MOV10L1: variants seen among roughly 807,000 people sequenced by gnomAD.
MOV10L1 encodes RNA helicase Mov10l1.
In MOV10L1, 110 loss-of-function variants were observed where a neutral mutation model predicts 143.8. The observed-to-expected ratio is 0.76, with a 90% CI of 0.66 to 0.90. The LOEUF (loss-of-function observed/expected upper bound fraction) is 0.90, where lower values mean the gene tolerates loss of function less well. MOV10L1 is among the 40% of genes least tolerant of loss of function. The pLI, the probability that MOV10L1 is intolerant of heterozygous loss-of-function variation, is 0.00. For missense variants in MOV10L1, 1,406 were observed against 1,526.8 expected, an observed-to-expected ratio of 0.92 and a Z score of 1.32; for synonymous variants, 593 against 581.1, an observed-to-expected ratio of 1.02 and a Z score of -0.29.
chr22:50,111,711 G>A (rs562894659), intron 5 of MOV10L1, among the ~76,000 whole-genome samples: 47 of 151,976 alleles, frequency 3.1e-4, no homozygotes, highest in African/African-American at 1.1e-3. Context: ...CACCGTGTTA[G>A]CCAGGATGGT....
chr22:50,125,993 CG>C lies in MOV10L1; in HGVS notation c.1748-208del, dbSNP rs1468728311. On this transcript the variant is annotated intron_variant, in intron 11 of 26. Coordinates refer to ENST00000262794, the MANE Select transcript of MOV10L1 (RefSeq NM_018995.3). The stretch of plus-strand genomic sequence containing the variant: ...ATTTTTAGTAGAGATGAGGTTTCGC[CG>C]TGTTAGCCAGGATGGTCTCGATCCC... Among the ~76,000 whole-genome samples, 238 of 151,670 alleles carry C rather than the reference CG, an allele frequency of 1.6e-3. 5 individuals are homozygous for C. Among genetic ancestry groups the C allele is most frequent in the Admixed American group, 0.015 (230 of 15,220 alleles).
intron 10 of MOV10L1, among the ~76,000 whole-genome samples, chr22:50,121,084 A>G (rs1029682199): frequency 3.3e-5 from 5 of 152,224 alleles, no homozygotes; most frequent in Admixed American, 2.0e-4. Context: ...AGAAAAGTTC[A>G]AGAAGGAAGA....
intron 1 of MOV10L1, chr22:50,091,555 G>T (rs9617065): frequency 0.22 from 35,390 of 157,306 alleles, 4,338 homozygotes; most frequent in Admixed American, 0.35. Flanking sequence ...AGCACTTAAC[G>T]CGTGTCAGCC....
chr22:50,158,554 A>C lies in MOV10L1; in HGVS notation c.3216+348A>C. Reference sequence around the variant, plus strand: ...AAGGGGGCACTTTGGGTATATTTGAATGGGACGCTTCTCATTTCGTATGAC... The same window carrying C: ...AAGGGGGCACTTTGGGTATATTTGACTGGGACGCTTCTCATTTCGTATGAC... On this transcript the variant is annotated intron_variant, in intron 23 of 26. Coordinates refer to ENST00000262794, the MANE Select transcript of MOV10L1 (RefSeq NM_018995.3). This position sits in a 1 kb window ranked among gnomAD's most constrained non-coding sequence, Gnocchi z 5.0. The C allele has an allele frequency of 4.0e-6, 1 of 248,904 alleles. No individual in the cohort carries two copies. The highest frequency in any genetic ancestry group is 7.8e-6 in the Non-Finnish European group (1 of 128,298). The allele number at this position is 248,904 out of a possible 1,614,324, so 15.4% of individuals were successfully genotyped here. A position where few individuals can be genotyped will look rare whatever the true frequency, so the allele number is the denominator to read the frequency against.
rs1308909449 is a variant in MOV10L1 at position 50,090,076 on chromosome 22, C to G, written c.-13C>G. 3.2e-6 allele frequency: 4 copies of G among 1,269,830 alleles called. No homozygotes were observed. The South Asian group carries it at 9.1e-5, about 29-fold the overall frequency. The allele number at this position is 1,269,830 out of a possible 1,614,324, so 78.7% of individuals were successfully genotyped here. On this transcript the variant is annotated 5_prime_UTR_variant, in exon 1 of 27. Transcript: ENST00000262794. ...GCAGCGGCGGTGACGGCAGCCTAGG[C>G]CGGGCGAGGGCCATGCTGAGCCTCG...
At chr22:50,117,506 G>A (rs898109923) in intron 9 of MOV10L1, among the ~76,000 whole-genome samples, 155 bp downstream of exon 9, 6 of 152,128 alleles carry the variant, frequency 3.9e-5, no homozygotes, top group African/African-American at 1.4e-4. Context: ...TTGTATTTGG[G>A]GGATGGAGTG....
chr22:50,133,913 T>G, intron 13 of MOV10L1, 94 bp from the exon 14 acceptor site: 1 of 1,023,736 alleles, frequency 9.8e-7, no homozygotes, highest in Non-Finnish European at 1.5e-6. Context: ...TATATTGACT[T>G]AAAGATTGTA....
chr22:50,129,579 T>C (rs1346091007), intron 13 of MOV10L1, among the ~76,000 whole-genome samples: 1 of 152,218 alleles, frequency 6.6e-6, no homozygotes, highest in Non-Finnish European at 1.5e-5. Flanking sequence ...CTAGAGCTGC[T>C]GTGTATGTAG....
At chr22:50,123,541 T>G (rs531859465) in intron 10 of MOV10L1, among the ~76,000 whole-genome samples, 2 of 152,334 alleles carry the variant, frequency 1.3e-5, no homozygotes, top group East Asian at 3.9e-4. Context: ...ATCCTTTTCA[T>G]ATGCTGCTGA....
chr22:50,156,089 C>T (rs1275613067), intron 22 of MOV10L1, among the ~76,000 whole-genome samples: 2 of 151,912 alleles, frequency 1.3e-5, no homozygotes, highest in South Asian at 2.1e-4. Context: ...AATAAATGTA[C>T]ACATAATATA....
intron 15 of MOV10L1, among the ~76,000 whole-genome samples, chr22:50,138,292 G>A (rs148021450): frequency 4.6e-5 from 7 of 152,282 alleles, no homozygotes; most frequent in Admixed American, 3.3e-4. Flanking sequence ...GATGGAGGCC[G>A]GGTGTGGTGA....
chr22:50,130,210 G>C (rs1283828867), intron 13 of MOV10L1, among the ~76,000 whole-genome samples: 2 of 152,128 alleles, frequency 1.3e-5, no homozygotes, highest in Non-Finnish European at 2.9e-5. Context: ...AGGAGGCGGA[G>C]GTTGCGGTGA....
chr22:50,101,869 G>C (rs1461810413), intron 3 of MOV10L1, among the ~76,000 whole-genome samples: 1 of 152,158 alleles, frequency 6.6e-6, no homozygotes, highest in Non-Finnish European at 1.5e-5. Flanking sequence ...TGTCTATTGG[G>C]ATTTTAGAAT....
intron 15 of MOV10L1, among the ~76,000 whole-genome samples, chr22:50,136,931 A>G (rs2142850): frequency 0.23 from 34,559 of 152,112 alleles, 4,297 homozygotes; most frequent in Admixed American, 0.35. Flanking sequence ...TGTAGAATCC[A>G]TGGGAGGGTG....
chr22:50,151,642 G>A (rs1379426468), intron 21 of MOV10L1, among the ~76,000 whole-genome samples: 7 of 152,220 alleles, frequency 4.6e-5, no homozygotes, highest in Non-Finnish European at 8.8e-5. Flanking sequence ...AGCAGCTGCT[G>A]GGCCCAGAGG....
intron 5 of MOV10L1, chr22:50,109,670 CAAAAAAAA>C (rs35087419): frequency 6.9e-4 from 74 of 107,424 alleles, no homozygotes; most frequent in South Asian, 1.2e-3. Flanking sequence ...GACTCCTTCT[CAAAAAAAA>C]AAAAAAAAAA....
intron 5 of MOV10L1, among the ~76,000 whole-genome samples, chr22:50,111,486 CTTTT>C (rs529438045): frequency 2.0e-4 from 12 of 59,142 alleles, no homozygotes; most frequent in Admixed American, 4.0e-4. Flanking sequence ...TCTGTCTTTG[CTTTT>C]TTTTTTTTTT....
chr22:50,108,602 C>T (rs117447913), intron 4 of MOV10L1, 55 bp from the exon 5 acceptor site: 19,433 of 1,588,602 alleles, frequency 0.012, 372 homozygotes, highest in East Asian at 0.063. Flanking sequence ...GTTAGAGCTG[C>T]GCCCTGTCGT....
In MOV10L1 at chr22:50,135,846, A is replaced by AT. The variant is rs571901797; in HGVS notation, c.2070+1221dup. Among the ~76,000 whole-genome samples, 1,333 of 151,966 alleles carry AT rather than the reference A, an allele frequency of 8.8e-3. 6 individuals carry two copies. The highest frequency in any genetic ancestry group is 0.034 in the Middle Eastern group (10 of 292). ...AGGTATTGTCCTGGGCTCTCAGTATATTTTTGTGAATACAATAGAAGTGGT... is the reference window on the plus strand; with the variant it reads ...AGGTATTGTCCTGGGCTCTCAGTATATTTTTTGTGAATACAATAGAAGTGGT... On this transcript the variant is annotated intron_variant, in intron 15 of 26. Coordinates refer to ENST00000262794, the MANE Select transcript of MOV10L1 (RefSeq NM_018995.3).
Sources: allele counts gnomAD v4.1 joint callset (sites outside exome capture counted in the v4.1 genomes callset), GRCh38; gene constraint gnomAD v4.1.1; non-coding constraint Gnocchi (gnomAD v3.1); transcripts MANE v1.5; gene names NCBI Gene and HGNC (gene_info 2026-07-23, HGNC 2026-07-21).